Variants in CHSY1 observed in about 807,000 individuals in gnomAD.
The protein encoded by CHSY1 is chondroitin sulfate synthase 1, also known as N-acetylgalactosaminyl-proteoglycan 3-beta-glucuronosyltransferase 1.
A neutral mutation model predicts 59.8 loss-of-function variants in CHSY1; 13 were observed. That is an observed-to-expected ratio of 0.22 (90% CI 0.14 to 0.35). The LOEUF is 0.35. Ranked by LOEUF, CHSY1 falls within the 10% of genes least tolerant of loss-of-function variation. The pLI is 1.00. For synonymous variants in CHSY1, 459 were observed against 401.2 expected, an observed-to-expected ratio of 1.14 and a Z score of -1.72; for missense variants, 947 against 1,030.6, an observed-to-expected ratio of 0.92 and a Z score of 1.11.
rs748729601 is a variant in CHSY1, at chr15:101,251,295, C to T, written c.162G>A (p.Ala54=). ...CGCGCGCCCCGCCGGCCTGGGAAGC[C>T]GCCGCCTGCCCGGACCGGCAGCCCT... The part of the protein sequence containing the change: ...SPEGCRSGQA[A]ASQAGGARGD... The change falls in exon 1 of 3, where the codon GCG becomes GCA. Residue 54 remains alanine, a synonymous_variant. Coordinates refer to ENST00000254190, the MANE Select transcript of CHSY1 (RefSeq NM_014918.5). 2.5e-6 allele frequency: 3 copies of T among 1,214,218 alleles called. No homozygotes were observed. The highest frequency in any genetic ancestry group is 5.9e-5 in the South Asian group (2 of 33,834). The allele number at this position is 1,214,218 out of a possible 1,614,324, so 75.2% of individuals were successfully genotyped here. A position where few individuals can be genotyped will look rare whatever the true frequency, so the allele number is the denominator to read the frequency against.
chr15:101,198,515 C>CA (rs1045696313), intron 2 of CHSY1, among the ~76,000 whole-genome samples: 5 of 152,178 alleles, frequency 3.3e-5, no homozygotes, highest in Non-Finnish European at 5.9e-5. Context: ...TCACCGCTCA[C>CA]AAAAAACACA....
chr15:101,251,458 C>A lies in CHSY1; in HGVS notation c.-2G>T. On this transcript the variant is annotated 5_prime_UTR_variant, in exon 1 of 3. Coordinates refer to ENST00000254190, the MANE Select transcript of CHSY1 (RefSeq NM_014918.5). ...GGCGCGCCGGCCGCGCGCGGCCATG[C>A]CCGCGCCGCTCCGCCCGCCGGGCCG... 1.1e-6 allele frequency: 1 copy of A among 944,650 alleles called. No individual in the cohort carries two copies. 58.5% of individuals were successfully genotyped at this position (944,650 alleles called of 1,614,324 possible).
At chr15:101,199,420 T>C (rs909746952) in intron 2 of CHSY1, among the ~76,000 whole-genome samples, 33 of 152,306 alleles carry the variant, frequency 2.2e-4, no homozygotes, top group African/African-American at 7.7e-4. Context: ...GGAGAATCGC[T>C]TGAACCCAGG....
intron 1 of CHSY1, among the ~76,000 whole-genome samples, chr15:101,245,638 T>C (rs753205511): frequency 6.6e-5 from 10 of 152,156 alleles, no homozygotes; most frequent in Non-Finnish European, 1.2e-4. Flanking sequence ...CACAATCCGC[T>C]ATTGACAGCC....
At chr15:101,230,614 T>C (rs760229056) in intron 2 of CHSY1, among the ~76,000 whole-genome samples, 1 of 152,222 alleles carries the variant, frequency 6.6e-6, no homozygotes, top group Non-Finnish European at 1.5e-5. Flanking sequence ...AGGCTTCTGG[T>C]ATATGGATGT....
At chr15:101,216,580 T>G (rs750999013) in intron 2 of CHSY1, among the ~76,000 whole-genome samples, 3 of 152,226 alleles carry the variant, frequency 2.0e-5, no homozygotes, top group Non-Finnish European at 2.9e-5. Context: ...CACAGAGGCA[T>G]GGATGAATCC....
At chr15:101,233,362 G>A (rs1183371469) in intron 2 of CHSY1, among the ~76,000 whole-genome samples, 1 of 152,152 alleles carries the variant, frequency 6.6e-6, no homozygotes, top group African/African-American at 2.4e-5. Context: ...TCTCCCGAAA[G>A]AAGGTCTGTC....
intron 2 of CHSY1, among the ~76,000 whole-genome samples, chr15:101,202,987 G>A (rs2141255111): frequency 6.6e-6 from 1 of 152,250 alleles, no homozygotes; most frequent in Non-Finnish European, 1.5e-5. Context: ...GAGGTTACTT[G>A]TTTCCAGAGA....
At chr15:101,231,482 T>A (rs1033819048) in intron 2 of CHSY1, among the ~76,000 whole-genome samples, 3 of 152,246 alleles carry the variant, frequency 2.0e-5, no homozygotes, top group African/African-American at 7.2e-5. Flanking sequence ...TTTGCACTTC[T>A]GAATTTTGAG....
intron 1 of CHSY1, among the ~76,000 whole-genome samples, chr15:101,242,008 C>T (rs571587145): frequency 2.6e-5 from 4 of 152,180 alleles, no homozygotes; most frequent in African/African-American, 7.2e-5. Flanking sequence ...TGTAAATAGT[C>T]GTTATACTAT....
chr15:101,205,344 G>T (rs2038614289), intron 2 of CHSY1, among the ~76,000 whole-genome samples: 1 of 152,000 alleles, frequency 6.6e-6, no homozygotes, highest in South Asian at 2.1e-4. Flanking sequence ...ATGATTCAGA[G>T]GAAAGAAACT....
intron 2 of CHSY1, chr15:101,187,857 G>T (rs1242095690): frequency 5.1e-6 from 1 of 197,690 alleles, no homozygotes; most frequent in East Asian, 1.9e-4. Context: ...CTTCCTGTGA[G>T]ATGTTTCAGG....
chr15:101,212,406 AG>A (rs1291519340), intron 2 of CHSY1, among the ~76,000 whole-genome samples: 1 of 152,258 alleles, frequency 6.6e-6, no homozygotes, highest in African/African-American at 2.4e-5. Flanking sequence ...TAAAAAAACT[AG>A]AAATACTCCA....
chr15:101,182,483 T>C (rs532816617), intron 2 of CHSY1, among the ~76,000 whole-genome samples: 16 of 152,364 alleles, frequency 1.1e-4, no homozygotes, highest in African/African-American at 3.8e-4. Context: ...GAATGCTGCA[T>C]CTTAGTCCTC....
intron 2 of CHSY1, among the ~76,000 whole-genome samples, chr15:101,215,405 C>T (rs2038721447): frequency 6.6e-6 from 1 of 152,164 alleles, no homozygotes; most frequent in Admixed American, 6.5e-5. Flanking sequence ...TGAGTAAGAC[C>T]TTCACAGAGT....
At chr15:101,184,383 ATTT>A (rs71287809) in intron 2 of CHSY1, among the ~76,000 whole-genome samples, 4 of 144,890 alleles carry the variant, frequency 2.8e-5, no homozygotes, top group East Asian at 4.0e-4. Context: ...TATATATATA[ATTT>A]TTTTTTTTTT....
At chr15:101,245,396 C>T (rs529995204) in intron 1 of CHSY1, among the ~76,000 whole-genome samples, 1 of 152,278 alleles carries the variant, frequency 6.6e-6, no homozygotes, top group South Asian at 2.1e-4. Flanking sequence ...GTGGGTGAGA[C>T]ATTTCTTGAT....
chr15:101,205,463 A>G (rs1228363578), intron 2 of CHSY1, among the ~76,000 whole-genome samples: 1 of 152,228 alleles, frequency 6.6e-6, no homozygotes, highest in African/African-American at 2.4e-5. Context: ...ATGTTTCCTG[A>G]TAACTAGAGA....
intron 2 of CHSY1, among the ~76,000 whole-genome samples, chr15:101,221,369 T>C (rs2038787279): frequency 6.6e-6 from 1 of 152,148 alleles, no homozygotes; most frequent in Non-Finnish European, 1.5e-5. Context: ...GGGGTGTACC[T>C]GTAATTCCAG....
Sources: gnomAD v4.1 joint callset for allele counts (sites outside exome capture counted in the v4.1 genomes callset) on GRCh38, gnomAD v4.1.1 for gene constraint, MANE v1.5 for transcripts, NCBI Gene and HGNC (gene_info 2026-07-23, HGNC 2026-07-21) for gene names.